The following CYTH1 variants were observed in gnomAD, a reference collection of about 807,000 sequenced individuals.
CYTH1 encodes cytohesin-1.
In CYTH1, 18 loss-of-function variants were observed where a neutral mutation model predicts 61.8. The observed-to-expected ratio is 0.29, with a 90% confidence interval of 0.20 to 0.43. CYTH1 has a LOEUF of 0.43. Ranked by LOEUF, CYTH1 falls within the 20% of genes least tolerant of loss-of-function variation. The pLI, the probability that CYTH1 is intolerant of heterozygous loss-of-function variation, is 1.00. For synonymous variants in CYTH1, 174 were observed against 184.3 expected, an observed-to-expected ratio of 0.94 and a Z score of 0.45; for missense variants, 336 against 510.5, an observed-to-expected ratio of 0.66 and a Z score of 3.29.
intron 1 of CYTH1, among the ~76,000 whole-genome samples, chr17:78,776,826 T>TAA (rs1217575523): frequency 6.7e-6 from 1 of 148,786 alleles, no homozygotes; most frequent in East Asian, 2.0e-4. Context: ...TTTTTTTTTT[T>TAA]AAAAAAAGAA....
chr17:78,738,172 A>T (rs558982224), intron 1 of CYTH1, among the ~76,000 whole-genome samples: 4 of 152,264 alleles, frequency 2.6e-5, no homozygotes, highest in Admixed American at 2.6e-4. Flanking sequence ...CCACCTCATC[A>T]TCGTAATAGA....
In CYTH1 at chr17:78,698,850, A is replaced by G. The variant is rs746427818; in HGVS notation, c.669T>C (p.Asp223=). Residue 223 remains aspartate (D), a synonymous_variant, in exon 8 of 14, where the codon GAT becomes GAC. Coordinates refer to ENST00000446868, the MANE Select transcript of CYTH1 (RefSeq NM_004762.6). ...RFIAMNRGIN[D]GGDLPEELLR... The stretch of plus-strand genomic sequence containing the variant: ...GGAGCTCCTCCGGCAGGTCTCCCCC[A>G]TCATTGATGCCTCGGTTCATGGCAA... 1.9e-6 allele frequency: 3 copies of G among 1,595,754 alleles called. No individual in the cohort carries two copies. Among genetic ancestry groups the G allele is most frequent in the African/African-American group, 1.4e-5 (1 of 73,506 alleles).
chr17:78,768,093 T>A (rs1188885092), intron 1 of CYTH1, among the ~76,000 whole-genome samples: 1 of 152,166 alleles, frequency 6.6e-6, no homozygotes, highest in Non-Finnish European at 1.5e-5. Flanking sequence ...GGAATCATTG[T>A]CCAAAGGTAT....
intron 13 of CYTH1, 89 bp from the exon 14 acceptor site, chr17:78,676,258 T>G: frequency 2.3e-6 from 3 of 1,327,960 alleles, no homozygotes; most frequent in Non-Finnish European, 3.1e-6. Context: ...GGGCCCCTCG[T>G]GCCCCAGAAC....
At chr17:78,750,269 C>T (rs1272350958) in intron 1 of CYTH1, among the ~76,000 whole-genome samples, 1 of 152,122 alleles carries the variant, frequency 6.6e-6, no homozygotes, top group Non-Finnish European at 1.5e-5. Context: ...AGGCTGATAT[C>T]AAAACATTCA....
intron 1 of CYTH1, among the ~76,000 whole-genome samples, chr17:78,714,516 C>A (rs1216263672): frequency 6.6e-6 from 1 of 152,152 alleles, no homozygotes; most frequent in Non-Finnish European, 1.5e-5. Context: ...GTACTCAGCA[C>A]AGGGCCTAGC....
chr17:78,717,625 CAT>C lies in CYTH1; in HGVS notation c.23-7895_23-7894del, dbSNP rs1157489880. On this transcript the variant is annotated intron_variant, in intron 1 of 13. Coordinates refer to ENST00000446868, the MANE Select transcript of CYTH1 (RefSeq NM_004762.6). This position sits in a 1 kb window ranked among gnomAD's most constrained non-coding sequence, Gnocchi z 4.4. The stretch of plus-strand genomic sequence containing the variant: ...CCTCTTTCCAAGCCAGAGGACGATA[CAT>C]GAGCACACGGCGGGCTCTAGTCTAA... Among the ~76,000 whole-genome samples the C allele has an allele frequency of 6.6e-6, 1 of 152,150 alleles. No homozygotes were observed. The highest frequency in any genetic ancestry group is 1.5e-5 in the Non-Finnish European group (1 of 68,038).
At chr17:78,750,460 G>C (rs1327404827) in intron 1 of CYTH1, among the ~76,000 whole-genome samples, 1 of 152,112 alleles carries the variant, frequency 6.6e-6, no homozygotes, top group Non-Finnish European at 1.5e-5. Flanking sequence ...TTAGGGGTAG[G>C]AAGAGGGCTA....
chr17:78,698,745 C>G, intron 8 of CYTH1, 75 bp downstream of exon 8: 9 of 1,452,558 alleles, frequency 6.2e-6, no homozygotes, highest in African/African-American at 4.4e-5. Context: ...GTTTTTTCTT[C>G]CTTCCTACAA....
At chr17:78,731,019 A>G (rs2144593691) in intron 1 of CYTH1, among the ~76,000 whole-genome samples, 1 of 152,278 alleles carries the variant, frequency 6.6e-6, no homozygotes, top group African/African-American at 2.4e-5. Flanking sequence ...CTCACACACC[A>G]GCTGATCTAC....
At chr17:78,723,782 A>G (rs376677127) in intron 1 of CYTH1, 1 of 152,370 alleles carries the variant, frequency 6.6e-6, no homozygotes, top group Non-Finnish European at 1.5e-5. Context: ...TCCTTTCTGC[A>G]TGGATAAACA....
intron 1 of CYTH1, among the ~76,000 whole-genome samples, chr17:78,764,590 C>A (rs1427969395): frequency 6.6e-6 from 1 of 152,100 alleles, no homozygotes; most frequent in Non-Finnish European, 1.5e-5. Context: ...TCAGCAAGAA[C>A]CAGGCTTATA....
intron 1 of CYTH1, among the ~76,000 whole-genome samples, chr17:78,760,128 A>G (rs1266910962): frequency 6.6e-6 from 1 of 151,690 alleles, no homozygotes; most frequent in African/African-American, 2.4e-5. Flanking sequence ...TCTAACCCAA[A>G]TTTACTAGAT....
At chr17:78,762,023 G>A (rs1409218534) in intron 1 of CYTH1, among the ~76,000 whole-genome samples, 2 of 152,144 alleles carry the variant, frequency 1.3e-5, no homozygotes, top group Non-Finnish European at 2.9e-5. Context: ...TGTGACATGG[G>A]GGAAAACAGC....
intron 11 of CYTH1, among the ~76,000 whole-genome samples, chr17:78,687,247 T>C (rs2092826095): frequency 6.6e-6 from 1 of 151,706 alleles, no homozygotes; most frequent in Admixed American, 6.6e-5. Flanking sequence ...ACACCCAACA[T>C]GTGTTGCTTG....
At chr17:78,733,602 G>C (rs1351994353) in intron 1 of CYTH1, among the ~76,000 whole-genome samples, 2 of 152,276 alleles carry the variant, frequency 1.3e-5, no homozygotes, top group Non-Finnish European at 2.9e-5. Flanking sequence ...AGTGGGGACA[G>C]GCATGTAAGC....
At chr17:78,747,145 C>CAAAAAAAAAAAAAAAAAAAAAAAAA (rs56201341) in intron 1 of CYTH1, among the ~76,000 whole-genome samples, 1 of 57,830 alleles carries the variant, frequency 1.7e-5, no homozygotes, top group Non-Finnish European at 3.0e-5. Context: ...ATGGCAGCGC[C>CAAAAAAAAAAAAAAAAAAAAAAAAA]AAAAAAAAAA....
At chr17:78,746,431 C>T (rs972855833) in intron 1 of CYTH1, among the ~76,000 whole-genome samples, 2 of 152,200 alleles carry the variant, frequency 1.3e-5, no homozygotes, top group Non-Finnish European at 2.9e-5. Flanking sequence ...GATTTTATTA[C>T]AAAGGCCACT....
Position 78,680,252 on chromosome 17 carries a change from G to A in CYTH1, c.1056C>T (p.His352=). The change falls in exon 13 of 14, where the codon CAC becomes CAT. Residue 352 remains histidine, a synonymous_variant. Transcript: ENST00000446868. ...EADGRVVEGN[H]TVYRISAPTP... is the part of the protein sequence containing the mutation. The stretch of plus-strand genomic sequence containing the variant: ...TCGGAGCTGAGATCCGGTAAACAGT[G>A]TGGTTCCCCTCCACCACCCGCCCGT... The A allele has an allele frequency of 6.2e-7, 1 of 1,614,162 alleles. No homozygotes were observed. Among genetic ancestry groups the A allele is most frequent in the Non-Finnish European group, 8.5e-7 (1 of 1,180,034 alleles).
Sources: allele counts gnomAD v4.1 joint callset (sites outside exome capture counted in the v4.1 genomes callset), GRCh38; gene constraint gnomAD v4.1.1; non-coding constraint Gnocchi (gnomAD v3.1); transcripts MANE v1.5; gene names NCBI Gene and HGNC (gene_info 2026-07-23, HGNC 2026-07-21).